The following COL26A1 variants were observed in gnomAD, a reference collection of about 807,000 sequenced individuals.
COL26A1 encodes collagen alpha-1(XXVI) chain.
A neutral mutation model predicts 59.3 loss-of-function variants in COL26A1; 41 were observed. The ratio of observed to expected loss-of-function variants is 0.69; its 90% CI spans 0.54 to 0.90. COL26A1 has a LOEUF of 0.90. Ranked by LOEUF, COL26A1 falls within the 40% of genes least tolerant of loss-of-function variation. COL26A1 has a pLI of 0.00. For missense variants in COL26A1, 612 were observed against 602.3 expected, an observed-to-expected ratio of 1.02 and a Z score of -0.17; for synonymous variants, 266 against 256.0, an observed-to-expected ratio of 1.04 and a Z score of -0.37.
chr7:101,376,607 G>T (rs1460036267), intron 1 of COL26A1, among the ~76,000 whole-genome samples: 1 of 152,146 alleles, frequency 6.6e-6, no homozygotes, highest in Non-Finnish European at 1.5e-5. Flanking sequence ...CCTTGCTGCT[G>T]CAGGGGAGCC....
chr7:101,485,809 G>A (rs915063803), intron 3 of COL26A1, among the ~76,000 whole-genome samples: 16 of 152,082 alleles, frequency 1.1e-4, no homozygotes, highest in African/African-American at 3.4e-4. Flanking sequence ...GCCCAGCCGC[G>A]GCAGCCATGT....
intron 3 of COL26A1, among the ~76,000 whole-genome samples, chr7:101,492,888 C>T (rs1328299898): frequency 1.3e-5 from 2 of 151,544 alleles, no homozygotes; most frequent in Admixed American, 6.6e-5. Context: ...TACAGGCGTG[C>T]ACCACCACGC....
intron 3 of COL26A1, among the ~76,000 whole-genome samples, chr7:101,512,772 A>G (rs1794952946): frequency 6.6e-6 from 1 of 152,236 alleles, no homozygotes; most frequent in Non-Finnish European, 1.5e-5. Flanking sequence ...CAAAAAAGTA[A>G]TAGGTCCTTA....
At chr7:101,374,976 G>A (rs1051734834) in intron 1 of COL26A1, among the ~76,000 whole-genome samples, 4 of 151,866 alleles carry the variant, frequency 2.6e-5, no homozygotes, top group Admixed American at 6.6e-5. Context: ...CAGGAGAATC[G>A]CTTGACCTGT....
intron 3 of COL26A1, among the ~76,000 whole-genome samples, chr7:101,477,676 A>G (rs1401274364): frequency 2.0e-5 from 3 of 152,178 alleles, no homozygotes; most frequent in Non-Finnish European, 4.4e-5. Flanking sequence ...CTCTCCTAAG[A>G]ATAAGCCTCC....
At chr7:101,464,241 C>T (rs1029425400) in intron 3 of COL26A1, among the ~76,000 whole-genome samples, 5 of 151,980 alleles carry the variant, frequency 3.3e-5, no homozygotes, top group African/African-American at 1.2e-4. Flanking sequence ...GCTGGGATTA[C>T]AGGCTCATGC....
At chr7:101,514,294 C>T (rs1201970579) in intron 3 of COL26A1, among the ~76,000 whole-genome samples, 3 of 151,916 alleles carry the variant, frequency 2.0e-5, no homozygotes, top group South Asian at 2.1e-4. Flanking sequence ...GCCAAGATCA[C>T]GCCACTGCAC....
At chr7:101,418,235 G>C (rs564870325) in intron 1 of COL26A1, among the ~76,000 whole-genome samples, 14 of 151,964 alleles carry the variant, frequency 9.2e-5, no homozygotes, top group African/African-American at 3.4e-4. Context: ...TTTCTATGGT[G>C]GTCCCCTAAC....
intron 1 of COL26A1, among the ~76,000 whole-genome samples, chr7:101,373,181 T>G (rs1791233552): frequency 6.6e-6 from 1 of 151,540 alleles, no homozygotes; most frequent in African/African-American, 2.4e-5. Context: ...AGTTAGGAGG[T>G]AGTTGATGGA....
intron 3 of COL26A1, among the ~76,000 whole-genome samples, chr7:101,510,666 C>T (rs1387858309): frequency 6.6e-6 from 1 of 152,146 alleles, no homozygotes; most frequent in Non-Finnish European, 1.5e-5. Flanking sequence ...CACCACCATG[C>T]CCAGCTAATT....
intron 1 of COL26A1, among the ~76,000 whole-genome samples, chr7:101,401,636 G>T (rs1792002164): frequency 7.6e-6 from 1 of 131,722 alleles, no homozygotes; most frequent in Non-Finnish European, 1.8e-5. Flanking sequence ...GGAGGCAGAA[G>T]AGGGAGAGGA....
chr7:101,427,827 G>A (rs1223639190), intron 2 of COL26A1, among the ~76,000 whole-genome samples: 1 of 152,064 alleles, frequency 6.6e-6, no homozygotes, highest in Admixed American at 6.6e-5. Flanking sequence ...AGGAGCTGTA[G>A]GGGACCCAAT....
chr7:101,501,117 C>T (rs1198132660), intron 3 of COL26A1, among the ~76,000 whole-genome samples: 2 of 133,134 alleles, frequency 1.5e-5, no homozygotes, highest in Non-Finnish European at 3.1e-5. Context: ...ACTGGGAAGG[C>T]GGAGGTTGCA....
chr7:101,473,036 T>C (rs1793942061), intron 3 of COL26A1, among the ~76,000 whole-genome samples: 1 of 152,168 alleles, frequency 6.6e-6, no homozygotes, highest in Non-Finnish European at 1.5e-5. Flanking sequence ...CCTATATGTT[T>C]ATCTTCCCAA....
intron 3 of COL26A1, among the ~76,000 whole-genome samples, chr7:101,520,633 T>TACACACACACACACACACACACACACAC (rs3073377): frequency 2.3e-4 from 31 of 137,220 alleles, no homozygotes; most frequent in African/African-American, 7.3e-4. Flanking sequence ...CACAGACACA[T>TACACACACACACACACACACACACACAC]ACACACACAC....
intron 1 of COL26A1, among the ~76,000 whole-genome samples, chr7:101,368,910 C>T (rs1237350002): frequency 5.5e-4 from 31 of 56,402 alleles, no homozygotes; most frequent in Non-Finnish European, 8.7e-4. Context: ...CAAAATCTGG[C>T]TCTTTCCAAA....
intron 1 of COL26A1, among the ~76,000 whole-genome samples, chr7:101,384,054 AC>A (rs1299325756): frequency 1.3e-5 from 2 of 151,956 alleles, no homozygotes; most frequent in East Asian, 3.9e-4. Flanking sequence ...CACTCCATTG[AC>A]AAGCCTGGAG....
chr7:101,451,761 G>A (rs1793345648), intron 3 of COL26A1, among the ~76,000 whole-genome samples: 1 of 148,730 alleles, frequency 6.7e-6, no homozygotes, highest in African/African-American at 2.5e-5. Flanking sequence ...CTGGAGTGCA[G>A]TGGCACAGTC....
At chr7:101,435,055 T>A (rs779977881) in intron 2 of COL26A1, among the ~76,000 whole-genome samples, 9 of 152,162 alleles carry the variant, frequency 5.9e-5, no homozygotes, top group Non-Finnish European at 7.4e-5. Context: ...TTGGGCGTGG[T>A]GGCTCACGCC....
Sources: allele counts gnomAD v4.1 joint callset (sites outside exome capture counted in the v4.1 genomes callset), GRCh38; gene constraint gnomAD v4.1.1; transcripts MANE v1.5; gene names NCBI Gene and HGNC (gene_info 2026-07-23, HGNC 2026-07-21).